Variants in WWOX observed in about 807,000 individuals in gnomAD.
WWOX encodes WW domain-containing oxidoreductase.
Under a neutral mutation model 46.2 loss-of-function variants are expected in WWOX, and 69 were observed. The ratio of observed to expected loss-of-function variants is 1.49; its 90% CI spans 1.23 to 1.82. The LOEUF (loss-of-function observed/expected upper bound fraction) is 1.82, where lower values mean the gene tolerates loss of function less well. Among genes scored for constraint, WWOX ranks in the 40% most tolerant of loss-of-function variants. The pLI, the probability that WWOX is intolerant of heterozygous loss-of-function variation, is 0.00. For synonymous variants in WWOX, 359 were observed against 202.6 expected, an observed-to-expected ratio of 1.77 and a Z score of -6.56; for missense variants, 919 against 542.6, an observed-to-expected ratio of 1.69 and a Z score of -6.89.
intron 8 of WWOX, among the ~76,000 whole-genome samples, chr16:78,871,087 A>C (rs557442474): frequency 1.3e-5 from 2 of 152,194 alleles, no homozygotes; most frequent in African/African-American, 4.8e-5. Flanking sequence ...CATAGAAGCA[A>C]TTCAGTAAAT....
At chr16:78,832,059 A>G (rs1014704984) in intron 8 of WWOX, among the ~76,000 whole-genome samples, 4 of 152,154 alleles carry the variant, frequency 2.6e-5, no homozygotes, top group Admixed American at 6.5e-5. Context: ...AAGCACTTAG[A>G]ATCTCATTGT....
At chr16:79,093,851 C>T (rs868603805) in intron 8 of WWOX, among the ~76,000 whole-genome samples, 2 of 152,194 alleles carry the variant, frequency 1.3e-5, no homozygotes, top group African/African-American at 4.8e-5. Flanking sequence ...AAAGGGGAAC[C>T]GAGTGACTCA....
intron 8 of WWOX, among the ~76,000 whole-genome samples, chr16:78,630,561 G>C (rs577105030): frequency 1.3e-5 from 2 of 152,256 alleles, no homozygotes; most frequent in South Asian, 4.2e-4. Context: ...TCATTTCTGG[G>C]GGACTAATTA....
chr16:79,008,395 C>T (rs567371458), intron 8 of WWOX, among the ~76,000 whole-genome samples: 1 of 152,292 alleles, frequency 6.6e-6, no homozygotes, highest in South Asian at 2.1e-4. Flanking sequence ...TGCGTTCAGG[C>T]CTCCATGACA....
chr16:78,673,211 A>G (rs1380698202), intron 8 of WWOX, among the ~76,000 whole-genome samples: 1 of 152,170 alleles, frequency 6.6e-6, no homozygotes, highest in Non-Finnish European at 1.5e-5. Context: ...GAGTACAATA[A>G]AACAGGAATT....
At chr16:78,865,048 C>T (rs889331664) in intron 8 of WWOX, among the ~76,000 whole-genome samples, 1 of 152,034 alleles carries the variant, frequency 6.6e-6, no homozygotes, top group Non-Finnish European at 1.5e-5. Context: ...CAGGCGTGAG[C>T]CACCGCGCCT....
chr16:78,262,648 G>C (rs2079271182), intron 5 of WWOX, among the ~76,000 whole-genome samples: 1 of 152,062 alleles, frequency 6.6e-6, no homozygotes, highest in African/African-American at 2.4e-5. Context: ...AGTTGGAGAA[G>C]GTCAGGCAAA....
chr16:78,968,704 C>CTCT (rs370519883), intron 8 of WWOX, among the ~76,000 whole-genome samples: 4 of 152,018 alleles, frequency 2.6e-5, no homozygotes, highest in Admixed American at 6.5e-5. Flanking sequence ...TTTCTTCTTC[C>CTCT]TCTTCTTCTT....
intron 8 of WWOX, among the ~76,000 whole-genome samples, chr16:78,440,908 A>C (rs1357304654): frequency 2.0e-5 from 3 of 152,044 alleles, no homozygotes; most frequent in Non-Finnish European, 4.4e-5. Context: ...GGCATGAGCC[A>C]CTGTGCCTGG....
intron 5 of WWOX, among the ~76,000 whole-genome samples, chr16:78,277,333 G>C (rs1310488507): frequency 6.6e-6 from 1 of 152,142 alleles, no homozygotes; most frequent in Admixed American, 6.5e-5. Context: ...ATAAAATGAT[G>C]TCAGGATCCT....
rs576920066 is a variant in WWOX at position 78,499,525 on chromosome 16, T to A, written c.1056+66773T>A. 9.2e-5 allele frequency among the ~76,000 whole-genome samples: 14 copies of A among 152,350 alleles called. No individual in the cohort carries two copies. In the South Asian group the frequency reaches 2.9e-3, roughly 32 times the overall value. On this transcript the variant is annotated intron_variant, in intron 8 of 8. Transcript: ENST00000566780. ...GCAACTAGCAGCGACTGCAGATTAC[T>A]CATCAGCTGTCTCCTTGAGTCCACA... is the stretch of plus-strand genomic sequence containing the variant.
At chr16:78,861,381 G>T (rs768046629) in intron 8 of WWOX, among the ~76,000 whole-genome samples, 3 of 152,084 alleles carry the variant, frequency 2.0e-5, no homozygotes, top group Non-Finnish European at 4.4e-5. Flanking sequence ...ATTTTAAAAT[G>T]TAAAATGATT....
chr16:78,765,652 T>C (rs770295303), intron 8 of WWOX, among the ~76,000 whole-genome samples: 17 of 152,064 alleles, frequency 1.1e-4, no homozygotes, highest in Non-Finnish European at 2.2e-4. Context: ...GCACTGCAGC[T>C]TGGGAAACAG....
chr16:79,196,424 C>T (rs1356001047), intron 8 of WWOX: 5 of 152,068 alleles, frequency 3.3e-5, no homozygotes, highest in Non-Finnish European at 1.5e-5. Context: ...AGCTGAGGAA[C>T]ATGTGCTCTG....
intron 6 of WWOX, among the ~76,000 whole-genome samples, chr16:78,419,246 A>C (rs150165103): frequency 6.6e-6 from 1 of 152,192 alleles, no homozygotes; most frequent in Non-Finnish European, 1.5e-5. Flanking sequence ...TGCAATCTCT[A>C]TTAAAATTTC....
intron 5 of WWOX, among the ~76,000 whole-genome samples, chr16:78,266,874 C>G (rs139009372): frequency 6.8e-6 from 1 of 147,538 alleles, no homozygotes; most frequent in Non-Finnish European, 1.5e-5. Flanking sequence ...TTGGCTGTGT[C>G]CCCATCCAAA....
intron 5 of WWOX, among the ~76,000 whole-genome samples, chr16:78,303,733 G>A (rs1404956963): frequency 6.6e-6 from 1 of 152,006 alleles, no homozygotes; most frequent in African/African-American, 2.4e-5. Flanking sequence ...TAGTAGAGAC[G>A]GGATTTCTGC....
At chr16:78,987,339 C>T (rs974361848) in intron 8 of WWOX, among the ~76,000 whole-genome samples, 5 of 152,100 alleles carry the variant, frequency 3.3e-5, no homozygotes, top group Admixed American at 3.3e-4. Flanking sequence ...TACCTTGTAT[C>T]GGGTAGGTTG....
chr16:78,960,255 C>T (rs1222862350), intron 8 of WWOX, among the ~76,000 whole-genome samples: 1 of 152,186 alleles, frequency 6.6e-6, no homozygotes, highest in African/African-American at 2.4e-5. Context: ...ACAAAGACCT[C>T]CCCACCTCCA....
Sources: allele counts gnomAD v4.1 joint callset (sites outside exome capture counted in the v4.1 genomes callset), GRCh38; gene constraint gnomAD v4.1.1; transcripts MANE v1.5; gene names NCBI Gene and HGNC (gene_info 2026-07-23, HGNC 2026-07-21).